Variants in ZNF532 observed in about 807,000 individuals in gnomAD.
ZNF532 encodes the protein zinc finger protein 532.
In ZNF532, 22 loss-of-function variants were observed where a neutral mutation model predicts 89.3. The observed-to-expected ratio is 0.25, with a 90% confidence interval of 0.18 to 0.35. The LOEUF (loss-of-function observed/expected upper bound fraction) is 0.35, where lower values mean the gene tolerates loss of function less well. Among genes scored for constraint, ZNF532 ranks in the 10% least tolerant of loss-of-function variants. ZNF532 has a pLI of 1.00. For synonymous variants in ZNF532, 606 were observed against 649.6 expected, an observed-to-expected ratio of 0.93 and a Z score of 1.02; for missense variants, 1,132 against 1,643.4, an observed-to-expected ratio of 0.69 and a Z score of 5.38.
At chr18:58,875,603 C>T (rs140689942) in intron 2 of ZNF532, among the ~76,000 whole-genome samples, 367 of 152,266 alleles carry the variant, frequency 2.4e-3, no homozygotes, top group Middle Eastern at 6.8e-3. Context: ...GTGTTTGCTT[C>T]ATTATGGAAA....
intron 2 of ZNF532, among the ~76,000 whole-genome samples, chr18:58,901,074 G>T (rs2059570823): frequency 6.6e-6 from 1 of 152,192 alleles, no homozygotes; most frequent in African/African-American, 2.4e-5. Context: ...CCATCTGCCT[G>T]TTTCTATTTC....
chr18:58,918,928 T>C lies in ZNF532; in HGVS notation c.641T>C (p.Val214Ala), dbSNP rs764023256. Reference protein sequence around the residue: ...ETEASSINLSVYEPFKVRKAE... With the variant: ...ETEASSINLSAYEPFKVRKAE... ...GAAGCCAGTTCTATAAACCTGAGTG[T>C]TTATGAACCTTTTAAAGTCAGAAAA... The change falls in exon 3 of 10, where the codon GTT becomes GCT. Residue 214 changes from valine (V) to alanine (A), a missense_variant. Val to Ala is a moderately conservative substitution (Grantham distance 64). This residue lies in a region of ZNF532 where 302 missense variants were observed against 319.8 expected (regional missense o/e 0.94). Coordinates refer to ENST00000591808, the MANE Select transcript of ZNF532 (RefSeq NM_001375912.1). 2.5e-6 allele frequency: 4 copies of C among 1,613,850 alleles called. No homozygotes were observed. Among genetic ancestry groups the C allele is most frequent in the Non-Finnish European group, 2.5e-6 (3 of 1,180,000 alleles).
At chr18:58,939,762 C>A in intron 5 of ZNF532, 141 bp downstream of exon 5, 7 of 640,490 alleles carry the variant, frequency 1.1e-5, no homozygotes, top group Non-Finnish European at 1.5e-5. Context: ...TTATGAAATA[C>A]AGCTCATAGC....
intron 7 of ZNF532, among the ~76,000 whole-genome samples, chr18:58,963,821 CAAAAAA>C (rs58734985): frequency 2.4e-5 from 2 of 82,746 alleles, no homozygotes; most frequent in East Asian, 2.7e-4. Flanking sequence ...GACCCTGTCT[CAAAAAA>C]AAAAAAAAAA....
intron 2 of ZNF532, among the ~76,000 whole-genome samples, chr18:58,874,632 C>T (rs1471538057): frequency 1.3e-5 from 2 of 152,176 alleles, no homozygotes; most frequent in African/African-American, 2.4e-5. Context: ...TGAGCCACTG[C>T]GTCTGGCCTG....
chr18:58,982,240 GTTGCAGTAAGCCGAGATAAAGCCA>G (rs2067878344), intron 9 of ZNF532, among the ~76,000 whole-genome samples: 1 of 152,114 alleles, frequency 6.6e-6, no homozygotes, highest in African/African-American at 2.4e-5. Flanking sequence ...GGAGGCAGAG[GTTGCAGTAAGCCGAGATAAAGCCA>G]TTGCACCCAA....
chr18:58,890,983 T>C (rs2145361948), intron 2 of ZNF532, among the ~76,000 whole-genome samples: 1 of 152,208 alleles, frequency 6.6e-6, no homozygotes, highest in East Asian at 1.9e-4. Context: ...TAGCAGGAAC[T>C]ACACGCATGC....
intron 3 of ZNF532, among the ~76,000 whole-genome samples, chr18:58,920,968 G>A (rs1172722408): frequency 6.6e-6 from 1 of 151,950 alleles, no homozygotes; most frequent in African/African-American, 2.4e-5. Context: ...TGTGCCTGTT[G>A]CGCCAGCTAT....
chr18:58,959,548 G>A (rs1432509185), intron 7 of ZNF532, among the ~76,000 whole-genome samples: 1 of 152,010 alleles, frequency 6.6e-6, no homozygotes, highest in East Asian at 1.9e-4. Context: ...CAGTGCACTC[G>A]GCCTCAAGAT....
At chr18:58,922,997 T>C (rs1361181370) in intron 3 of ZNF532, among the ~76,000 whole-genome samples, 1 of 152,180 alleles carries the variant, frequency 6.6e-6, no homozygotes, top group Non-Finnish European at 1.5e-5. Flanking sequence ...ATCTTTTCTT[T>C]TGTGTGTGGT....
At chr18:58,905,178 T>G (rs545573619) in intron 2 of ZNF532, among the ~76,000 whole-genome samples, 1 of 152,260 alleles carries the variant, frequency 6.6e-6, no homozygotes, top group East Asian at 1.9e-4. Context: ...GGTTTAAAAG[T>G]TGCTACATCA....
At chr18:58,937,192 T>C (rs1344996882) in intron 4 of ZNF532, among the ~76,000 whole-genome samples, 1 of 152,202 alleles carries the variant, frequency 6.6e-6, no homozygotes, top group African/African-American at 2.4e-5. Context: ...TTTATTGCTA[T>C]CCAGAATAGG....
intron 7 of ZNF532, chr18:58,954,141 T>C: frequency 2.1e-6 from 2 of 971,778 alleles, no homozygotes; most frequent in Non-Finnish European, 2.5e-6. Context: ...TTGTGCCAGC[T>C]AAGGAAGAAA....
chr18:58,934,181 T>C (rs1226358413), intron 3 of ZNF532: 8 of 393,154 alleles, frequency 2.0e-5, no homozygotes, highest in Non-Finnish European at 3.7e-5. Context: ...ATTGGAACTC[T>C]GCTGAAACAG....
At chr18:58,920,685 G>A (rs2060969455) in intron 3 of ZNF532, 52 bp downstream of exon 3, 4 of 1,487,896 alleles carry the variant, frequency 2.7e-6, no homozygotes, top group East Asian at 2.3e-5. Flanking sequence ...GTAGGCATGA[G>A]TGCTTGATAA....
At chr18:58,981,754 C>T in intron 9 of ZNF532, 137 bp downstream of exon 9, 1 of 1,161,638 alleles carries the variant, frequency 8.6e-7, no homozygotes, top group Non-Finnish European at 1.2e-6. Flanking sequence ...GGCTCATGCC[C>T]ACCACTTTGG....
intron 3 of ZNF532, among the ~76,000 whole-genome samples, chr18:58,924,224 T>C (rs2061352574): frequency 6.6e-6 from 1 of 152,226 alleles, no homozygotes; most frequent in African/African-American, 2.4e-5. Context: ...TGGTAGCTCA[T>C]GGGTGAATTG....
At chr18:58,907,487 C>A (rs1411930845) in intron 2 of ZNF532, among the ~76,000 whole-genome samples, 5 of 151,900 alleles carry the variant, frequency 3.3e-5, no homozygotes, top group African/African-American at 1.2e-4. Context: ...CTGCACCCAG[C>A]CGAGAAGTTT....
chr18:58,914,463 C>T (rs370342723), intron 2 of ZNF532, among the ~76,000 whole-genome samples: 15 of 152,214 alleles, frequency 9.9e-5, no homozygotes, highest in African/African-American at 2.9e-4. Flanking sequence ...GGGCGGATCA[C>T]GAGGTCAGGA....
Sources: gnomAD v4.1 joint callset for allele counts (sites outside exome capture counted in the v4.1 genomes callset) on GRCh38, gnomAD v4.1.1 for gene constraint, gnomAD v4.1.1 regional missense constraint, MANE v1.5 for transcripts, NCBI Gene and HGNC (gene_info 2026-07-23, HGNC 2026-07-21) for gene names.